The following PRKAG2 variants were observed in gnomAD, a reference collection of about 807,000 sequenced individuals.
The protein encoded by PRKAG2 is 5'-AMP-activated protein kinase subunit gamma-2.
PRKAG2 carries 26 observed loss-of-function variants against 69.6 expected under a neutral mutation model. That is an observed-to-expected ratio of 0.37 (90% CI 0.27 to 0.52). The LOEUF is 0.52. Ranked by LOEUF, PRKAG2 falls within the 20% of genes least tolerant of loss-of-function variation. PRKAG2 has a pLI of 0.90. For missense variants in PRKAG2, 557 were observed against 740.0 expected (o/e 0.75, Z 2.87); for synonymous variants, 293 against 285.0 (o/e 1.03, Z -0.28).
intron 1 of PRKAG2, among the ~76,000 whole-genome samples, chr7:151,820,458 G>C (rs973900269): frequency 1.8e-4 from 24 of 134,348 alleles, no homozygotes; most frequent in South Asian, 7.6e-4. Flanking sequence ...CCTGGCCCCT[G>C]TGGCTTCTGC....
rs1563757630 is a variant in PRKAG2, at chr7:151,855,471, GCTCCACACACCACCCTCCACACACCA to G, written c.114+21010_114+21035del. Among the ~76,000 whole-genome samples the G allele has an allele frequency of 0.046, 377 of 8,140 alleles. 44 individuals are homozygous for G. The East Asian group carries it at 0.47, about 10-fold the overall frequency. The allele number at this position is 8,140 out of a possible 152,430, so 5.3% of individuals were successfully genotyped here. A position where few individuals can be genotyped will look rare whatever the true frequency, so the allele number is the denominator to read the frequency against. On this transcript the variant is annotated intron_variant, in intron 1 of 15. Coordinates refer to ENST00000287878, the MANE Select transcript of PRKAG2 (RefSeq NM_016203.4). Reference sequence around the variant, plus strand: ...ACACACCATCCTCCACACACACCATGCTCCACACACCACCCTCCACACACCACCCTCCACACACACCGCCCTCCACA... The same window carrying G: ...ACACACCATCCTCCACACACACCATGCCCTCCACACACACCGCCCTCCACA...
chr7:151,690,583 AT>A (rs1392427765), intron 3 of PRKAG2, among the ~76,000 whole-genome samples: 2 of 152,208 alleles, frequency 1.3e-5, no homozygotes, highest in East Asian at 3.8e-4. Context: ...CCCGGATTCA[AT>A]TGTACCACAT....
At position 151,638,430 on chromosome 7, in the gene PRKAG2, C is replaced by G. The variant is rs1009310717; in HGVS notation, c.685-6292G>C. Among the ~76,000 whole-genome samples, 1 of 152,088 alleles carries G rather than the reference C, an allele frequency of 6.6e-6. No individual in the cohort carries two copies. The highest frequency in any genetic ancestry group is 2.4e-5 in the African/African-American group (1 of 41,400). The stretch of plus-strand genomic sequence containing the variant: ...CGGGCGGATCACAAGGTCAGGAGAT[C>G]GAGACCATCCTGGCCAACATGGTGA... On this transcript the variant is annotated intron_variant, in intron 4 of 15. Transcript: ENST00000287878. The surrounding 1 kb of genome is among the most constrained non-coding windows in gnomAD (Gnocchi z 4.3).
At chr7:151,689,005 C>A (rs1245894993) in intron 3 of PRKAG2, among the ~76,000 whole-genome samples, 1 of 152,162 alleles carries the variant, frequency 6.6e-6, no homozygotes, top group African/African-American at 2.4e-5. Flanking sequence ...CTCTGAGGAG[C>A]CCTGAATAGG....
intron 1 of PRKAG2, chr7:151,810,446 G>A (rs1303584942): frequency 6.6e-6 from 1 of 152,314 alleles, no homozygotes; most frequent in African/African-American, 2.4e-5. Context: ...CAGACTCTGA[G>A]AGCCCATGAC....
chr7:151,612,766 A>G lies in PRKAG2; in HGVS notation c.755-17312T>C, dbSNP rs527719455. On this transcript the variant is annotated intron_variant, in intron 5 of 15. Transcript: ENST00000287878. ...GGACCATTCCCAAAGGCACAGGTGC[A>G]TGGGGAACCCCAAGAAATAGTGCAA... Among the ~76,000 whole-genome samples, 221 of 152,262 alleles carry G rather than the reference A, an allele frequency of 1.5e-3. 1 individual carries two copies. Among genetic ancestry groups the G allele is most frequent in the Non-Finnish European group, 2.5e-3 (173 of 68,050 alleles).
At chr7:151,674,898 GTTACCAT>G (rs954956554) in intron 4 of PRKAG2, 48 of 180,674 alleles carry the variant, frequency 2.7e-4, no homozygotes, top group African/African-American at 1.1e-3. Flanking sequence ...TGTCCCAGAT[GTTACCAT>G]TTTTCATTTT....
At chr7:151,856,449 A>T (rs1191696388) in intron 1 of PRKAG2, among the ~76,000 whole-genome samples, 1 of 152,194 alleles carries the variant, frequency 6.6e-6, no homozygotes, top group Non-Finnish European at 1.5e-5. Context: ...GCCCCAAATT[A>T]GGATGTAGGG....
rs11974216 is a variant in PRKAG2, at chr7:151,788,679, T to C, written c.115-2138A>G. ...TTTGATTTATCTAATTTGCCTTTTGTTGCCTGTGCTTTTGGTGTTGTATTC... is the reference window on the plus strand; with the variant it reads ...TTTGATTTATCTAATTTGCCTTTTGCTGCCTGTGCTTTTGGTGTTGTATTC... On this transcript the variant is annotated intron_variant, in intron 1 of 15. Transcript: ENST00000287878. The surrounding 1 kb of genome is among the most constrained non-coding windows in gnomAD (Gnocchi z 4.6). Among the ~76,000 whole-genome samples the C allele has an allele frequency of 0.042, 6,390 of 152,334 alleles. 459 individuals are homozygous for C. The highest frequency in any genetic ancestry group is 0.15 in the African/African-American group (6,090 of 41,552).
chr7:151,616,809 C>T (rs1820257319), intron 5 of PRKAG2, among the ~76,000 whole-genome samples: 1 of 152,158 alleles, frequency 6.6e-6, no homozygotes, highest in Admixed American at 6.5e-5. Flanking sequence ...GACGTAATAG[C>T]ATATACAAAG....
intron 3 of PRKAG2, among the ~76,000 whole-genome samples, chr7:151,744,183 G>T (rs1034184500): frequency 1.3e-5 from 2 of 152,006 alleles, no homozygotes; most frequent in African/African-American, 4.8e-5. Context: ...CCCAGACTCC[G>T]GTGACCCAAA....
intron 6 of PRKAG2, among the ~76,000 whole-genome samples, chr7:151,582,709 A>T (rs1281855262): frequency 6.6e-6 from 1 of 152,186 alleles, no homozygotes; most frequent in Non-Finnish European, 1.5e-5. Flanking sequence ...ACACTGCTTC[A>T]TTTCTCAAAC....
intron 6 of PRKAG2, among the ~76,000 whole-genome samples, chr7:151,586,479 G>T (rs547251784): frequency 1.3e-5 from 2 of 152,030 alleles, no homozygotes; most frequent in Non-Finnish European, 2.9e-5. Flanking sequence ...CCTCTTCTCC[G>T]CAACTCCTCC....
At chr7:151,736,795 G>C (rs1799881454) in intron 3 of PRKAG2, among the ~76,000 whole-genome samples, 1 of 152,200 alleles carries the variant, frequency 6.6e-6, no homozygotes, top group South Asian at 2.1e-4. Context: ...TGCGTAATTT[G>C]AGCTCTGGAC....
chr7:151,793,809 A>C (rs983357428), intron 1 of PRKAG2, among the ~76,000 whole-genome samples: 2 of 152,266 alleles, frequency 1.3e-5, no homozygotes, highest in Non-Finnish European at 2.9e-5. Flanking sequence ...AGCCAGGTCA[A>C]TTGGAGCCTT....
intron 4 of PRKAG2, among the ~76,000 whole-genome samples, chr7:151,660,817 G>A (rs759733192): frequency 6.6e-6 from 1 of 152,254 alleles, no homozygotes; most frequent in Non-Finnish European, 1.5e-5. Context: ...GTCTCAAAGA[G>A]GCGGGATTCC....
At chr7:151,773,153 G>A (rs1401046808) in intron 3 of PRKAG2, among the ~76,000 whole-genome samples, 2 of 142,436 alleles carry the variant, frequency 1.4e-5, no homozygotes, top group African/African-American at 5.6e-5. Flanking sequence ...AGAAAGGAAG[G>A]AAGGAAGGGA....
chr7:151,775,328 C>A (rs993823924), intron 3 of PRKAG2, among the ~76,000 whole-genome samples: 9 of 152,184 alleles, frequency 5.9e-5, no homozygotes, highest in Admixed American at 5.9e-4. Context: ...TGCGACAAGG[C>A]ATTTAGGACA....
chr7:151,629,367 G>A (rs1027698292), intron 5 of PRKAG2, among the ~76,000 whole-genome samples: 5 of 152,134 alleles, frequency 3.3e-5, no homozygotes, highest in African/African-American at 1.2e-4. Context: ...AAAGATCTGT[G>A]GCTATTCTTA....
Sources: allele counts gnomAD v4.1 joint callset (sites outside exome capture counted in the v4.1 genomes callset), GRCh38; gene constraint gnomAD v4.1.1; non-coding constraint Gnocchi (gnomAD v3.1); transcripts MANE v1.5; gene names NCBI Gene and HGNC (gene_info 2026-07-23, HGNC 2026-07-21).